The following MGMT variants were observed in gnomAD, a reference collection of about 807,000 sequenced individuals.
MGMT encodes the protein methylated-DNA--protein-cysteine methyltransferase.
Under a neutral mutation model 15.9 loss-of-function variants are expected in MGMT, and 14 were observed. That is an observed-to-expected ratio of 0.88 (90% CI 0.58 to 1.37). MGMT has a LOEUF of 1.37. MGMT is among the 40% of genes most tolerant of loss of function. The pLI is 0.00. For missense variants in MGMT, 282 were observed against 268.1 expected, an observed-to-expected ratio of 1.05 and a Z score of -0.36; for synonymous variants, 130 against 118.2, an observed-to-expected ratio of 1.10 and a Z score of -0.65.
intron 2 of MGMT, among the ~76,000 whole-genome samples, chr10:129,645,638 G>A (rs186319003): frequency 1.3e-5 from 2 of 152,346 alleles, no homozygotes; most frequent in Admixed American, 6.5e-5. Context: ...CGGTGGATTT[G>A]TGCGTGTCGG....
At chr10:129,718,349 C>T (rs746201103) in intron 3 of MGMT, among the ~76,000 whole-genome samples, 1 of 152,126 alleles carries the variant, frequency 6.6e-6, no homozygotes, top group Non-Finnish European at 1.5e-5. Flanking sequence ...TCCGTCTGAT[C>T]GTATAGTTAG....
Position 129,556,127 on chromosome 10 carries a change from T to TG in MGMT, c.125+19756dup, listed in dbSNP as rs918234661. ...CTCTTGCCTTGGACCCTGATGGCGC[T>TG]GGGGGGTTTCATCGCCATTTAACCC... is the stretch of plus-strand genomic sequence containing the variant. On this transcript the variant is annotated intron_variant, in intron 2 of 4. Transcript: ENST00000651593. The surrounding 1 kb of genome is among the most constrained non-coding windows in gnomAD (Gnocchi z 4.3). Among the ~76,000 whole-genome samples the TG allele has an allele frequency of 1.3e-5, 2 of 152,174 alleles. No homozygotes were observed. The highest frequency in any genetic ancestry group is 4.8e-5 in the African/African-American group (2 of 41,436).
At chr10:129,744,099 C>T (rs1848667221) in intron 3 of MGMT, among the ~76,000 whole-genome samples, 1 of 152,198 alleles carries the variant, frequency 6.6e-6, no homozygotes, top group Non-Finnish European at 1.5e-5. Flanking sequence ...AAAGCTTGCC[C>T]CAAAGACATT....
intron 3 of MGMT, among the ~76,000 whole-genome samples, chr10:129,730,894 C>T (rs1176974218): frequency 6.6e-6 from 1 of 152,168 alleles, no homozygotes; most frequent in Non-Finnish European, 1.5e-5. Context: ...CTGTAGGCTT[C>T]CTTAAGTTTG....
chr10:129,657,685 A>ACACACACACACACACACG (rs1429760893), intron 2 of MGMT, among the ~76,000 whole-genome samples: 7 of 138,494 alleles, frequency 5.1e-5, no homozygotes, highest in African/African-American at 2.0e-4. Flanking sequence ...ACACACACAC[A>ACACACACACACACACACG]CACACACACA....
chr10:129,561,699 A>G (rs1294607407), intron 2 of MGMT, among the ~76,000 whole-genome samples: 1 of 152,192 alleles, frequency 6.6e-6, no homozygotes, highest in Non-Finnish European at 1.5e-5. Flanking sequence ...GTCTACAAAT[A>G]GCATAAACTG....
intron 1 of MGMT, among the ~76,000 whole-genome samples, chr10:129,500,464 T>C (rs1196925079): frequency 3.3e-5 from 5 of 152,248 alleles, no homozygotes; most frequent in Admixed American, 3.3e-4. Context: ...TCACCTGCAT[T>C]GTGCTGGGTT....
intron 2 of MGMT, among the ~76,000 whole-genome samples, chr10:129,558,495 G>A (rs1035610517): frequency 4.6e-5 from 7 of 152,210 alleles, no homozygotes; most frequent in South Asian, 2.1e-4. Flanking sequence ...GGTCCTCAGC[G>A]CCTCTGCCTT....
intron 2 of MGMT, among the ~76,000 whole-genome samples, chr10:129,617,903 C>CG (rs1847046906): frequency 6.6e-6 from 1 of 150,916 alleles, no homozygotes; most frequent in South Asian, 2.1e-4. Flanking sequence ...GGCACTGGGA[C>CG]GGGCCACATG....
In MGMT at chr10:129,717,005, C is replaced by T. The variant is rs118066070; in HGVS notation, c.274+8962C>T. Among the ~76,000 whole-genome samples the T allele has an allele frequency of 6.0e-4, 92 of 152,288 alleles. 1 individual carries two copies. The East Asian group carries it at 0.011, about 18-fold the overall frequency. ...CATTGGCAGCGTCGGCCAGCTGTGC[C>T]GCTCCACTCTCCGAATCACTTTGTG... On this transcript the variant is annotated intron_variant, in intron 3 of 4. Transcript: ENST00000651593.
intron 1 of MGMT, among the ~76,000 whole-genome samples, chr10:129,470,060 GAC>G (rs1845213329): frequency 6.6e-6 from 1 of 152,142 alleles, no homozygotes; most frequent in Non-Finnish European, 1.5e-5. Flanking sequence ...AATCAGAGAA[GAC>G]ACATAAACCA....
intron 3 of MGMT, among the ~76,000 whole-genome samples, chr10:129,716,041 C>T (rs1335540626): frequency 6.6e-6 from 1 of 152,232 alleles, no homozygotes; most frequent in Non-Finnish European, 1.5e-5. Context: ...CAAGACAGAG[C>T]AGACTTCCTG....
intron 2 of MGMT, among the ~76,000 whole-genome samples, chr10:129,553,329 T>C (rs55647129): frequency 0.033 from 5,005 of 152,306 alleles, 132 homozygotes; most frequent in South Asian, 0.064. Flanking sequence ...GCGTGACTTT[T>C]ATTCATTGTG....
chr10:129,633,350 G>A (rs1847232244), intron 2 of MGMT, among the ~76,000 whole-genome samples: 1 of 152,188 alleles, frequency 6.6e-6, no homozygotes, highest in Admixed American at 6.5e-5. Flanking sequence ...AGACTGCGTA[G>A]TCAGGGATAA....
intron 1 of MGMT, among the ~76,000 whole-genome samples, chr10:129,477,045 G>T (rs906204855): frequency 1.3e-5 from 2 of 152,154 alleles, no homozygotes; most frequent in East Asian, 3.9e-4. Flanking sequence ...CTGGCCTCCT[G>T]TGTTTGGGCC....
chr10:129,643,294 C>T (rs986426893), intron 2 of MGMT, among the ~76,000 whole-genome samples: 12 of 152,078 alleles, frequency 7.9e-5, no homozygotes, highest in Admixed American at 7.2e-4. Flanking sequence ...AAGTTTGATT[C>T]AAGGAGAAAA....
intron 2 of MGMT, among the ~76,000 whole-genome samples, chr10:129,647,310 G>A (rs1847408766): frequency 6.6e-6 from 1 of 152,016 alleles, no homozygotes. Context: ...CACATTCGAC[G>A]CTCAAGTGTG....
intron 3 of MGMT, among the ~76,000 whole-genome samples, chr10:129,726,869 A>C (rs114501122): frequency 1.6e-3 from 240 of 152,288 alleles, no homozygotes; most frequent in African/African-American, 5.5e-3. Context: ...TTCTGTCACT[A>C]TAGGTTTTGT....
intron 1 of MGMT, among the ~76,000 whole-genome samples, chr10:129,497,526 C>T (rs988101871): frequency 6.6e-6 from 1 of 152,166 alleles, no homozygotes; most frequent in Non-Finnish European, 1.5e-5. Flanking sequence ...GCACAAATAG[C>T]ACAAAGTTTC....
Sources: gnomAD v4.1 joint callset for allele counts (sites outside exome capture counted in the v4.1 genomes callset) on GRCh38, gnomAD v4.1.1 for gene constraint, Gnocchi (gnomAD v3.1) non-coding constraint, MANE v1.5 for transcripts, NCBI Gene and HGNC (gene_info 2026-07-23, HGNC 2026-07-21) for gene names.